The following MITF variants were observed in gnomAD, a reference collection of about 807,000 sequenced individuals.
The protein encoded by MITF is microphthalmia-associated transcription factor.
In MITF, 17 loss-of-function variants were observed where a neutral mutation model predicts 60.5. The ratio of observed to expected loss-of-function variants is 0.28; its 90% CI spans 0.19 to 0.42. The LOEUF is 0.42. MITF is among the 10% of genes least tolerant of loss of function. The pLI is 1.00. For synonymous variants in MITF, 260 were observed against 248.5 expected, an observed-to-expected ratio of 1.05 and a Z score of -0.43; for missense variants, 622 against 683.5, an observed-to-expected ratio of 0.91 and a Z score of 1.00.
chr3:69,779,972 A>G (rs532230486), intron 1 of MITF, among the ~76,000 whole-genome samples: 3 of 152,312 alleles, frequency 2.0e-5, no homozygotes, highest in Middle Eastern at 3.4e-3. Flanking sequence ...GGCTCTTGCA[A>G]TAATCTGAGA....
chr3:69,936,845 G>GT, intron 2 of MITF: 1 of 1,181,398 alleles, frequency 8.5e-7, no homozygotes, highest in Non-Finnish European at 1.2e-6. Context: ...TAGACATACT[G>GT]TTTTCAATAA....
Position 69,803,283 on chromosome 3 carries a change from G to A in MITF, c.104+63582G>A, listed in dbSNP as rs141713001. Among the ~76,000 whole-genome samples, 9 of 152,244 alleles carry A rather than the reference G, an allele frequency of 5.9e-5. No individual in the cohort carries two copies. The East Asian group carries it at 1.5e-3, about 26-fold the overall frequency. ...ATTCAAAATACATTTGTACACTGCC[G>A]TCTTCTTGGGTATATACCCCCTAAG... is the stretch of plus-strand genomic sequence containing the variant. On this transcript the variant is annotated intron_variant, in intron 1 of 9. Coordinates refer to ENST00000352241, the MANE Select transcript of MITF (RefSeq NM_001354604.2).
intron 9 of MITF, among the ~76,000 whole-genome samples, chr3:69,964,037 C>T (rs1172382723): frequency 5.4e-5 from 7 of 128,826 alleles, no homozygotes; most frequent in Non-Finnish European, 7.7e-5. Context: ...AGCGCAATGG[C>T]GCAATCTCGG....
At chr3:69,762,975 G>A (rs933559386) in intron 1 of MITF, among the ~76,000 whole-genome samples, 11 of 152,232 alleles carry the variant, frequency 7.2e-5, no homozygotes, top group East Asian at 5.8e-4. Flanking sequence ...ATCCTCAGTC[G>A]TCCTGGTAAA....
At chr3:69,754,815 C>T (rs192832495) in intron 1 of MITF, among the ~76,000 whole-genome samples, 2 of 152,038 alleles carry the variant, frequency 1.3e-5, no homozygotes, top group East Asian at 1.9e-4. Flanking sequence ...TTAGTTCCCT[C>T]GTTCTGATTA....
chr3:69,778,404 T>C (rs1476190612), intron 1 of MITF, among the ~76,000 whole-genome samples: 1 of 152,192 alleles, frequency 6.6e-6, no homozygotes, highest in Admixed American at 6.5e-5. Context: ...AGCATGAAAT[T>C]AAATTGCCAA....
chr3:69,840,150 A>G (rs1302286243), intron 1 of MITF, among the ~76,000 whole-genome samples: 1 of 152,212 alleles, frequency 6.6e-6, no homozygotes, highest in Non-Finnish European at 1.5e-5. Flanking sequence ...CCACACTCCT[A>G]GACCTTACTT....
At chr3:69,891,973 T>C (rs908817596) in intron 2 of MITF, among the ~76,000 whole-genome samples, 3 of 152,192 alleles carry the variant, frequency 2.0e-5, no homozygotes, top group Admixed American at 2.0e-4. Context: ...AATAAGAAAC[T>C]CTAAAATGAC....
Position 69,754,747 on chromosome 3 carries a change from G to A in MITF, c.104+15046G>A, listed in dbSNP as rs1040038207. 3.3e-5 allele frequency among the ~76,000 whole-genome samples: 5 copies of A among 152,052 alleles called. No individual in the cohort carries two copies. The South Asian group carries it at 8.3e-4, about 25-fold the overall frequency. On this transcript the variant is annotated intron_variant, in intron 1 of 9. Coordinates refer to ENST00000352241, the MANE Select transcript of MITF (RefSeq NM_001354604.2). Reference sequence around the variant, plus strand: ...ATAATAATATGATCTAAGTGATAGGGTAATTGTACAGATTAAAAGAAATAC... The same window carrying A: ...ATAATAATATGATCTAAGTGATAGGATAATTGTACAGATTAAAAGAAATAC...
intron 1 of MITF, among the ~76,000 whole-genome samples, chr3:69,806,984 C>T (rs986968108): frequency 6.6e-6 from 1 of 152,166 alleles, no homozygotes; most frequent in Non-Finnish European, 1.5e-5. Flanking sequence ...TTTACACATT[C>T]ATTCCTGTCT....
intron 1 of MITF, among the ~76,000 whole-genome samples, chr3:69,776,778 G>T (rs983208770): frequency 6.6e-6 from 1 of 152,100 alleles, no homozygotes; most frequent in Non-Finnish European, 1.5e-5. Context: ...CTCAGCATAG[G>T]ATTTGGAACA....
chr3:69,852,093 G>A (rs1401516747), intron 1 of MITF, among the ~76,000 whole-genome samples: 2 of 152,066 alleles, frequency 1.3e-5, no homozygotes, highest in Admixed American at 6.6e-5. Flanking sequence ...GGAGAAAGAG[G>A]CATCTAGATG....
chr3:69,827,359 T>G (rs2063372472), intron 1 of MITF, among the ~76,000 whole-genome samples: 2 of 152,230 alleles, frequency 1.3e-5, no homozygotes, highest in African/African-American at 2.4e-5. Flanking sequence ...ATTTTATGAC[T>G]TACAAAACTC....
chr3:69,785,847 A>G (rs898990323), intron 1 of MITF, among the ~76,000 whole-genome samples: 1 of 152,182 alleles, frequency 6.6e-6, no homozygotes, highest in African/African-American at 2.4e-5. Flanking sequence ...AGATTGGGCT[A>G]GAGAAAAAGA....
intron 1 of MITF, among the ~76,000 whole-genome samples, chr3:69,765,493 A>G (rs1356817679): frequency 6.6e-6 from 1 of 152,144 alleles, no homozygotes; most frequent in African/African-American, 2.4e-5. Flanking sequence ...TTTTTTGACA[A>G]AATTGTTTAA....
At chr3:69,932,661 C>T (rs2065749533) in intron 2 of MITF, among the ~76,000 whole-genome samples, 1 of 152,078 alleles carries the variant, frequency 6.6e-6, no homozygotes, top group Admixed American at 6.6e-5. Context: ...GTACAGTAAA[C>T]AAGATTATAT....
Position 69,965,981 on chromosome 3 carries a change from T to A in MITF, c.*733T>A. ...TCTTCATCAATGAGTGTGATCCAGT[T>A]TTTCATAAGATATTTTATTTTGAAA... On this transcript the variant is annotated 3_prime_UTR_variant, in exon 10 of 10. Coordinates refer to ENST00000352241, the MANE Select transcript of MITF (RefSeq NM_001354604.2). The A allele has an allele frequency of 8.6e-6, 2 of 232,034 alleles. No individual in the cohort carries two copies. The highest frequency in any genetic ancestry group is 8.5e-6 in the Non-Finnish European group (1 of 117,378). 14.4% of individuals were successfully genotyped at this position (232,034 alleles called of 1,614,324 possible).
At chr3:69,851,883 T>A (rs1484284579) in intron 1 of MITF, among the ~76,000 whole-genome samples, 1 of 152,226 alleles carries the variant, frequency 6.6e-6, no homozygotes, top group Non-Finnish European at 1.5e-5. Flanking sequence ...AAAAGGCCGA[T>A]ATATGTAATT....
In MITF at chr3:69,829,839, G is replaced by A. The variant is rs774508869; in HGVS notation, c.105-49295G>A. 3.9e-4 allele frequency among the ~76,000 whole-genome samples: 60 copies of A among 152,292 alleles called. 1 individual carries two copies. In the Middle Eastern group the frequency reaches 0.01, roughly 26 times the overall value. On this transcript the variant is annotated intron_variant, in intron 1 of 9. Transcript: ENST00000352241. ...TGGAAGTAAGTCCCAGGTAACAAATGTAGGTGACCTCCCTTAGGGCCAGTG... is the reference window on the plus strand; with the variant it reads ...TGGAAGTAAGTCCCAGGTAACAAATATAGGTGACCTCCCTTAGGGCCAGTG...
Sources: allele counts gnomAD v4.1 joint callset (sites outside exome capture counted in the v4.1 genomes callset), GRCh38; gene constraint gnomAD v4.1.1; transcripts MANE v1.5; gene names NCBI Gene and HGNC (gene_info 2026-07-23, HGNC 2026-07-21).